DOK6: variants seen among roughly 807,000 people sequenced by gnomAD.
DOK6 encodes the protein downstream of tyrosine kinase 6.
In DOK6, 22 loss-of-function variants were observed where a neutral mutation model predicts 44.0. The observed-to-expected ratio is 0.50, with a 90% CI of 0.36 to 0.71. DOK6 has a LOEUF of 0.71. Among genes scored for constraint, DOK6 ranks in the 30% least tolerant of loss-of-function variants. The probability of loss-of-function intolerance (pLI) is 0.00; values close to 1 mark genes in which losing one functional copy is unlikely to be tolerated. For synonymous variants in DOK6, 166 were observed against 145.5 expected, an observed-to-expected ratio of 1.14 and a Z score of -1.01; for missense variants, 340 against 416.4, an observed-to-expected ratio of 0.82 and a Z score of 1.60.
At chr18:69,575,991 T>C (rs1257716747) in intron 2 of DOK6, among the ~76,000 whole-genome samples, 2 of 152,124 alleles carry the variant, frequency 1.3e-5, no homozygotes, top group African/African-American at 4.8e-5. Context: ...AAATATACTC[T>C]TGCTCTTACA....
chr18:69,635,977 C>T (rs1482892078), intron 3 of DOK6, among the ~76,000 whole-genome samples: 1 of 152,116 alleles, frequency 6.6e-6, no homozygotes, highest in Non-Finnish European at 1.5e-5. Flanking sequence ...GCTTTCTGTC[C>T]CTGGAAGTCT....
chr18:69,790,006 C>T (rs1221270875), intron 7 of DOK6, among the ~76,000 whole-genome samples: 4 of 152,076 alleles, frequency 2.6e-5, no homozygotes, highest in African/African-American at 7.2e-5. Context: ...ATTGACTTCC[C>T]TTTGTTGCTA....
At chr18:69,554,229 C>G (rs1254859405) in intron 1 of DOK6, among the ~76,000 whole-genome samples, 5 of 152,098 alleles carry the variant, frequency 3.3e-5, no homozygotes, top group African/African-American at 1.2e-4. Flanking sequence ...AGAAACAGAA[C>G]TTTGTTAGTA....
At chr18:69,765,214 C>A (rs1979681498) in intron 7 of DOK6, among the ~76,000 whole-genome samples, 1 of 152,088 alleles carries the variant, frequency 6.6e-6, no homozygotes, top group Admixed American at 6.6e-5. Context: ...AAGTTCAAAG[C>A]TAATAAAAGC....
At chr18:69,486,709 G>A (rs112394696) in intron 1 of DOK6, among the ~76,000 whole-genome samples, 61 of 152,198 alleles carry the variant, frequency 4.0e-4, no homozygotes, top group African/African-American at 1.4e-3. Context: ...CAAATGTGGT[G>A]GTTATGTCTC....
chr18:69,692,612 G>A (rs548435598), intron 4 of DOK6, among the ~76,000 whole-genome samples: 42 of 152,264 alleles, frequency 2.8e-4, no homozygotes, highest in African/African-American at 9.6e-4. Flanking sequence ...TTAACTTTAT[G>A]GAATCACTCG....
At position 69,565,527 on chromosome 18, in the gene DOK6, A is replaced by G. The variant is rs34255739; in HGVS notation, c.174+933A>G. On this transcript the variant is annotated intron_variant, in intron 2 of 7. Coordinates refer to ENST00000382713, the MANE Select transcript of DOK6 (RefSeq NM_152721.6). ...TGTGTGTGTGTGTGTGTGTGTATATATATATACATAATTTTAAAAATATTT... is the reference window on the plus strand; with the variant it reads ...TGTGTGTGTGTGTGTGTGTGTATATGTATATACATAATTTTAAAAATATTT... Among the ~76,000 whole-genome samples, 147 of 19,918 alleles carry G rather than the reference A, an allele frequency of 7.4e-3. 2 individuals carry two copies. The highest frequency in any genetic ancestry group is 0.032 in the East Asian group (11 of 344). The allele number at this position is 19,918 out of a possible 152,430, so 13.1% of individuals were successfully genotyped here. A position where few individuals can be genotyped will look rare whatever the true frequency, so the allele number is the denominator to read the frequency against.
At chr18:69,500,989 T>C (rs1418701966) in intron 1 of DOK6, among the ~76,000 whole-genome samples, 1 of 152,146 alleles carries the variant, frequency 6.6e-6, no homozygotes, top group African/African-American at 2.4e-5. Flanking sequence ...AGTATGTTAA[T>C]GTTGCATTCC....
In DOK6 at chr18:69,797,663, CT is replaced by C. The variant is rs1214007553; in HGVS notation, c.856+39792del. 3.3e-5 allele frequency among the ~76,000 whole-genome samples: 5 copies of C among 151,836 alleles called. No homozygotes were observed. The East Asian group carries it at 9.7e-4, about 29-fold the overall frequency. ...TTTGAATTGCCATAACATTTTTTTC[CT>C]TCTTTTCTTATTTGGCACTTACTGT... On this transcript the variant is annotated intron_variant, in intron 7 of 7. Transcript: ENST00000382713.
intron 7 of DOK6, among the ~76,000 whole-genome samples, chr18:69,769,063 T>A (rs566550438): frequency 6.6e-6 from 1 of 151,912 alleles, no homozygotes; most frequent in African/African-American, 2.4e-5. Context: ...TGCTATATTA[T>A]GTTGGTTTGG....
intron 4 of DOK6, among the ~76,000 whole-genome samples, chr18:69,686,541 A>G (rs1011668477): frequency 2.6e-5 from 4 of 152,176 alleles, no homozygotes; most frequent in Non-Finnish European, 5.9e-5. Context: ...ATGCTACTAC[A>G]ATAAATATTA....
At chr18:69,517,463 A>C (rs7234608) in intron 1 of DOK6, among the ~76,000 whole-genome samples, 92,612 of 152,072 alleles carry the variant, frequency 0.61, 29,011 homozygotes, top group Non-Finnish European at 0.69. Context: ...TCTAGGCTCT[A>C]TTTGAATGGC....
At chr18:69,471,104 C>T (rs1010740714) in intron 1 of DOK6, among the ~76,000 whole-genome samples, 5 of 151,564 alleles carry the variant, frequency 3.3e-5, no homozygotes, top group African/African-American at 1.2e-4. Context: ...ACAAAATTAG[C>T]CGGGCGTGGT....
At chr18:69,435,648 G>T (rs1364312912) in intron 1 of DOK6, among the ~76,000 whole-genome samples, 2 of 152,120 alleles carry the variant, frequency 1.3e-5, no homozygotes, top group East Asian at 3.9e-4. Flanking sequence ...TTGTAGAATA[G>T]CATTAAATAT....
intron 2 of DOK6, among the ~76,000 whole-genome samples, chr18:69,582,255 T>C (rs1351517829): frequency 6.6e-6 from 1 of 152,204 alleles, no homozygotes; most frequent in Non-Finnish European, 1.5e-5. Flanking sequence ...ACCTAATTGG[T>C]CCATAGGCTA....
intron 1 of DOK6, among the ~76,000 whole-genome samples, chr18:69,495,518 T>G (rs1160701297): frequency 6.6e-6 from 1 of 152,134 alleles, no homozygotes; most frequent in Non-Finnish European, 1.5e-5. Context: ...CAGCTCTGGC[T>G]GAGCCTGGGG....
At chr18:69,831,849 G>C (rs1399873690) in intron 7 of DOK6, among the ~76,000 whole-genome samples, 1 of 152,162 alleles carries the variant, frequency 6.6e-6, no homozygotes, top group Non-Finnish European at 1.5e-5. Context: ...ATAAGTCCTA[G>C]TATTGCTAAG....
At chr18:69,613,004 G>C (rs1041301684) in intron 3 of DOK6, among the ~76,000 whole-genome samples, 4 of 151,618 alleles carry the variant, frequency 2.6e-5, no homozygotes, top group Non-Finnish European at 5.9e-5. Context: ...ACCTGAAGCT[G>C]GGACTACAGC....
At chr18:69,785,648 TG>T (rs1404404709) in intron 7 of DOK6, among the ~76,000 whole-genome samples, 3 of 152,206 alleles carry the variant, frequency 2.0e-5, no homozygotes, top group African/African-American at 7.2e-5. Context: ...GAATTCTTTT[TG>T]TTCCGTTGCC....
Sources: gnomAD v4.1 joint callset for allele counts (sites outside exome capture counted in the v4.1 genomes callset) on GRCh38, gnomAD v4.1.1 for gene constraint, MANE v1.5 for transcripts, NCBI Gene and HGNC (gene_info 2026-07-23, HGNC 2026-07-21) for gene names.